The following NRXN1 variants were observed in gnomAD, a reference collection of about 807,000 sequenced individuals.
NRXN1 encodes the protein neurexin-1.
NRXN1 carries 39 observed loss-of-function variants against 150.9 expected under a neutral mutation model. The ratio of observed to expected loss-of-function variants is 0.26; its 90% CI spans 0.20 to 0.34. The LOEUF (loss-of-function observed/expected upper bound fraction) is 0.34. NRXN1 is among the 10% of genes least tolerant of loss of function. The pLI, the probability that NRXN1 is intolerant of heterozygous loss-of-function variation, is 1.00. For missense variants in NRXN1, 1,815 were observed against 1,949.9 expected (o/e 0.93, Z 1.30); for synonymous variants, 924 against 757.0 (o/e 1.22, Z -3.62).
chr2:50,719,325 A>C (rs1309162330), intron 5 of NRXN1, among the ~76,000 whole-genome samples: 1 of 151,792 alleles, frequency 6.6e-6, no homozygotes, highest in Admixed American at 6.6e-5. Context: ...CAAGCAAAAA[A>C]TTAAAAAAAA....
intron 10 of NRXN1, 141 bp from the exon 11 acceptor site, chr2:50,531,571 T>C (rs1263907389): frequency 8.7e-6 from 6 of 685,732 alleles, no homozygotes; most frequent in Non-Finnish European, 1.2e-5. Flanking sequence ...TCTTCAGAAA[T>C]AAACAAAACT....
At chr2:50,522,976 C>T (rs1388250629) in intron 12 of NRXN1, among the ~76,000 whole-genome samples, 1 of 151,742 alleles carries the variant, frequency 6.6e-6, no homozygotes, top group Non-Finnish European at 1.5e-5. Flanking sequence ...CTCAGGTGAT[C>T]CACCCGCCTC....
chr2:49,934,645 C>CT (rs1558532761), intron 22 of NRXN1, among the ~76,000 whole-genome samples: 1 of 152,068 alleles, frequency 6.6e-6, no homozygotes, highest in Non-Finnish European at 1.5e-5. Flanking sequence ...TTAGGAAATA[C>CT]GAAAGACAAG....
At chr2:49,925,468 A>T (rs1180849928) in intron 22 of NRXN1, among the ~76,000 whole-genome samples, 1 of 152,078 alleles carries the variant, frequency 6.6e-6, no homozygotes, top group Non-Finnish European at 1.5e-5. Flanking sequence ...ATATTAATGT[A>T]AATGTAGAGA....
At chr2:50,385,242 A>G (rs1308109574) in intron 17 of NRXN1, among the ~76,000 whole-genome samples, 1 of 152,158 alleles carries the variant, frequency 6.6e-6, no homozygotes, top group Non-Finnish European at 1.5e-5. Context: ...TCTGTGCATC[A>G]ATGCATGAGT....
Position 50,745,206 on chromosome 2 carries a change from A to T in NRXN1, c.833-121591T>A, listed in dbSNP as rs146343843. On this transcript the variant is annotated intron_variant, in intron 5 of 22. Transcript: ENST00000401669. The stretch of plus-strand genomic sequence containing the variant: ...TTGATAATAGTATCTACATGAAATG[A>T]CTATAGCTAGAATTAAATAAGGCCA... 1.4e-4 allele frequency among the ~76,000 whole-genome samples: 22 copies of T among 152,258 alleles called. No individual in the cohort carries two copies. In the East Asian group the frequency reaches 4.1e-3, roughly 28 times the overall value.
intron 5 of NRXN1, among the ~76,000 whole-genome samples, chr2:50,783,469 G>T (rs1462162795): frequency 6.6e-6 from 1 of 152,072 alleles, no homozygotes; most frequent in South Asian, 2.1e-4. Flanking sequence ...CTATGTCCAT[G>T]TCCTCAGAGA....
intron 12 of NRXN1, among the ~76,000 whole-genome samples, chr2:50,528,233 A>C (rs2093007396): frequency 1.5e-5 from 1 of 67,720 alleles, no homozygotes; most frequent in South Asian, 5.6e-4. Context: ...AAGTAAGAGG[A>C]ATTAAGTATT....
At position 49,958,429 on chromosome 2, in the gene NRXN1, G is replaced by C. The variant is rs1675351825; in HGVS notation, c.4129-14638C>G. Among the ~76,000 whole-genome samples, 3 of 152,180 alleles carry C rather than the reference G, an allele frequency of 2.0e-5. No individual in the cohort carries two copies. In the South Asian group the frequency reaches 6.2e-4, roughly 32 times the overall value. On this transcript the variant is annotated intron_variant, in intron 21 of 22. Coordinates refer to ENST00000401669, the MANE Select transcript of NRXN1 (RefSeq NM_001330078.2). ...CTTGCCAGCCTTGCATTTACAGTCT[G>C]TCTCACTCAATTCTGACATATTTCA...
chr2:50,750,396 G>A (rs1046165396), intron 5 of NRXN1, among the ~76,000 whole-genome samples: 3 of 151,626 alleles, frequency 2.0e-5, no homozygotes, highest in Non-Finnish European at 4.4e-5. Flanking sequence ...CTTACATGTA[G>A]CTCACTAGTT....
At chr2:50,718,979 T>A (rs917990300) in intron 5 of NRXN1, among the ~76,000 whole-genome samples, 25 of 150,568 alleles carry the variant, frequency 1.7e-4, no homozygotes, top group Admixed American at 1.5e-3. Context: ...AACTAATATA[T>A]AAAAGTAAAT....
chr2:50,265,888 G>A (rs1157506741), intron 17 of NRXN1, among the ~76,000 whole-genome samples: 2 of 151,868 alleles, frequency 1.3e-5, no homozygotes, highest in Non-Finnish European at 2.9e-5. Context: ...TGCAAGAGAG[G>A]AGCAAGTTAA....
intron 17 of NRXN1, among the ~76,000 whole-genome samples, chr2:50,306,971 AT>A (rs1452580809): frequency 1.3e-5 from 2 of 151,866 alleles, no homozygotes; most frequent in South Asian, 4.1e-4. Context: ...TAATATGAGC[AT>A]TTTTTTGTGA....
intron 18 of NRXN1, among the ~76,000 whole-genome samples, chr2:50,100,481 G>A (rs1469770363): frequency 6.6e-6 from 1 of 152,046 alleles, no homozygotes; most frequent in Admixed American, 6.6e-5. Flanking sequence ...ATCTTTGAAT[G>A]GGGTAATAAT....
chr2:50,550,685 TA>T (rs1294738037), intron 9 of NRXN1, among the ~76,000 whole-genome samples: 20 of 151,366 alleles, frequency 1.3e-4, no homozygotes, highest in African/African-American at 4.6e-4. Context: ...TTTTATTTTT[TA>T]TTTTTTTTTA....
At chr2:50,261,961 C>G (rs922345582) in intron 17 of NRXN1, among the ~76,000 whole-genome samples, 1 of 151,754 alleles carries the variant, frequency 6.6e-6, no homozygotes, top group African/African-American at 2.4e-5. Context: ...AGGAGTTTTT[C>G]CAGGTAATTT....
chr2:50,079,690 G>A (rs1336146842), intron 19 of NRXN1, among the ~76,000 whole-genome samples: 1 of 151,984 alleles, frequency 6.6e-6, no homozygotes, highest in Non-Finnish European at 1.5e-5. Context: ...TGGATTATCA[G>A]TATTCTATTG....
chr2:50,227,703 G>A (rs2064533543), intron 18 of NRXN1, among the ~76,000 whole-genome samples: 2 of 152,116 alleles, frequency 1.3e-5, no homozygotes, highest in African/African-American at 4.8e-5. Context: ...GCTGGAGGCA[G>A]AGAGATTAGT....
chr2:50,078,676 T>C (rs1447993674), intron 19 of NRXN1, among the ~76,000 whole-genome samples: 1 of 152,108 alleles, frequency 6.6e-6, no homozygotes, highest in Non-Finnish European at 1.5e-5. Context: ...GGCCATTTTG[T>C]AAAATGTCCC....
Sources: gnomAD v4.1 joint callset for allele counts (sites outside exome capture counted in the v4.1 genomes callset) on GRCh38, gnomAD v4.1.1 for gene constraint, MANE v1.5 for transcripts, NCBI Gene and HGNC (gene_info 2026-07-23, HGNC 2026-07-21) for gene names.